PLEKHM2: variants seen among roughly 807,000 people sequenced by gnomAD.
PLEKHM2 encodes pleckstrin homology and RUN domain containing M2.
A neutral mutation model predicts 116.3 loss-of-function variants in PLEKHM2; 77 were observed. The ratio of observed to expected loss-of-function variants is 0.66; its 90% confidence interval spans 0.55 to 0.80. The LOEUF (loss-of-function observed/expected upper bound fraction) is 0.80, where lower values mean the gene tolerates loss of function less well. PLEKHM2 is among the 30% of genes least tolerant of loss of function. The probability of loss-of-function intolerance (pLI) is 0.00; values close to 1 mark genes in which losing one functional copy is unlikely to be tolerated. For missense variants in PLEKHM2, 1,183 were observed against 1,354.9 expected, an observed-to-expected ratio of 0.87 and a Z score of 1.99; for synonymous variants, 562 against 571.0, an observed-to-expected ratio of 0.98 and a Z score of 0.22.
chr1:15,692,274 C>G (rs1640903976), intron 1 of PLEKHM2, among the ~76,000 whole-genome samples: 1 of 152,082 alleles, frequency 6.6e-6, no homozygotes, highest in South Asian at 2.1e-4. Flanking sequence ...TCTCAAAATC[C>G]CTAAGGACCT....
At chr1:15,707,022 C>T (rs191977898) in intron 1 of PLEKHM2, among the ~76,000 whole-genome samples, 1 of 152,064 alleles carries the variant, frequency 6.6e-6, no homozygotes, top group African/African-American at 2.4e-5. Flanking sequence ...GACCGAGGGC[C>T]AGCATGCTTC....
intron 7 of PLEKHM2, 106 bp from the exon 8 acceptor site, chr1:15,725,211 G>A: frequency 2.6e-6 from 2 of 754,888 alleles, no homozygotes; most frequent in Non-Finnish European, 4.5e-6. Context: ...GGTTTCCCTG[G>A]GAGGAACTGG....
chr1:15,725,027 G>A (rs572886275), intron 7 of PLEKHM2, among the ~76,000 whole-genome samples: 2 of 152,320 alleles, frequency 1.3e-5, no homozygotes, highest in East Asian at 3.9e-4. Context: ...TGGAGCTTGA[G>A]CCTGGAGGCT....
Position 15,728,421 on chromosome 1 carries a change from C to T in PLEKHM2, c.1921+64C>T. 6.9e-7 allele frequency: 1 copy of T among 1,447,534 alleles called. No individual in the cohort carries two copies. The allele number at this position is 1,447,534 out of a possible 1,614,324, so 89.7% of individuals were successfully genotyped here. On this transcript the variant is annotated intron_variant, in intron 11 of 19. Transcript: ENST00000375799. This position sits in a 1 kb window ranked among gnomAD's most constrained non-coding sequence, Gnocchi z 5.9. ...AGGCTGACTCTCAGCCCCTTTTCCC[C>T]AGTCCCCTTGCCCTCTGAGTGCCTC...
chr1:15,683,596 G>A (rs1277261120), upstream of PLEKHM2, among the ~76,000 whole-genome samples: 1 of 150,370 alleles, frequency 6.7e-6, no homozygotes, highest in Non-Finnish European at 1.5e-5. Context: ...GGGGGATCCT[G>A]TGGGCTGAGG....
chr1:15,719,105 C>T lies in PLEKHM2; in HGVS notation c.465+480C>T, dbSNP rs954355713. On this transcript the variant is annotated intron_variant, in intron 5 of 19. Coordinates refer to ENST00000375799, the MANE Select transcript of PLEKHM2 (RefSeq NM_015164.4). This position sits in a 1 kb window ranked among gnomAD's most constrained non-coding sequence, Gnocchi z 4.1. Reference sequence around the variant, plus strand: ...ACATAGAGCCAAAGAGGCTCCCAGGCACCTCTTGGACTGGGCTCAAAATGG... The same window carrying T: ...ACATAGAGCCAAAGAGGCTCCCAGGTACCTCTTGGACTGGGCTCAAAATGG... Among the ~76,000 whole-genome samples, 11 of 152,142 alleles carry T rather than the reference C, an allele frequency of 7.2e-5. No homozygotes were observed. Among genetic ancestry groups the T allele is most frequent in the African/African-American group, 2.7e-4 (11 of 41,438 alleles).
chr1:15,711,216 TAAA>T (rs1368394869), intron 1 of PLEKHM2, among the ~76,000 whole-genome samples: 1 of 147,882 alleles, frequency 6.8e-6, no homozygotes, highest in Non-Finnish European at 1.5e-5. Context: ...AAAAATAAAA[TAAA>T]ATAAATAAAA....
rs1484081665 is a variant in PLEKHM2, at chr1:15,732,047, G to C, written c.2624G>C (p.Gly875Ala). The C allele has an allele frequency of 1.2e-6, 2 of 1,610,152 alleles. No individual in the cohort carries two copies. Among genetic ancestry groups the C allele is most frequent in the Non-Finnish European group, 1.7e-6 (2 of 1,178,824 alleles). ...CATCTCTGCCAGGCTGTGTCCAAAG[G>C]GGTGAGCTTCGCCTGCCCCTACCGC... is the stretch of plus-strand genomic sequence containing the variant. ...MQHLCQAVSK[G>A]VIPQGVAPSP... The change falls in exon 17 of 20, where the codon GGG becomes GCG. Residue 875 changes from glycine (G) to alanine (A), a missense_variant and splice_region_variant. By Grantham distance (60) the Gly-to-Ala change is moderately conservative. Around this residue, in one of 3 missense-constraint regions of PLEKHM2, gnomAD observed 594 missense variants for 720.1 expected, o/e 0.82. Transcript: ENST00000375799.
chr1:15,719,742 T>C lies in PLEKHM2; in HGVS notation c.474T>C (p.Pro158=). ...FIRFELDLDA[P]YLDLAPYMPD... ...CTCTACTCTCTCCTCAGGATGCCCCTTACCTAGACCTGGCCCCCTACATGC... is the reference window on the plus strand; with the variant it reads ...CTCTACTCTCTCCTCAGGATGCCCCCTACCTAGACCTGGCCCCCTACATGC... Residue 158 remains proline, a synonymous_variant, in exon 6 of 20, where the codon CCT becomes CCC. Coordinates refer to ENST00000375799, the MANE Select transcript of PLEKHM2 (RefSeq NM_015164.4). The surrounding 1 kb of genome is among the most constrained non-coding windows in gnomAD (Gnocchi z 4.1). The C allele has an allele frequency of 6.2e-7, 1 of 1,611,736 alleles. No homozygotes were observed. Among genetic ancestry groups the C allele is most frequent in the Non-Finnish European group, 8.5e-7 (1 of 1,178,690 alleles).
rs1461546822 is a variant in PLEKHM2 at position 15,729,374 on chromosome 1, CAT to C, written c.2075+185_2075+186del. On this transcript the variant is annotated intron_variant, in intron 13 of 19. Transcript: ENST00000375799. The surrounding 1 kb of genome is among the most constrained non-coding windows in gnomAD (Gnocchi z 4.7). ...GCAAGTAGACGACAATCATAGGACT[CAT>C]GTGGTCAGCCCAGGTGACCTCAGCC... Among the ~76,000 whole-genome samples the C allele has an allele frequency of 6.6e-6, 1 of 152,050 alleles. No homozygotes were observed. Among genetic ancestry groups the C allele is most frequent in the Non-Finnish European group, 1.5e-5 (1 of 68,010 alleles).
In PLEKHM2 at chr1:15,719,467, A is replaced by T. The variant is rs1223214460; in HGVS notation, c.466-267A>T. ...CTCTGTCTCAAAAAAAAAAATAAAT[A>T]AATAGAGAGAGAGAGAGATAGCGGG... On this transcript the variant is annotated intron_variant, in intron 5 of 19. Coordinates refer to ENST00000375799, the MANE Select transcript of PLEKHM2 (RefSeq NM_015164.4). The surrounding 1 kb of genome is among the most constrained non-coding windows in gnomAD (Gnocchi z 4.1). Among the ~76,000 whole-genome samples the T allele has an allele frequency of 2.0e-5, 3 of 151,346 alleles. No individual in the cohort carries two copies. Among genetic ancestry groups the T allele is most frequent in the Non-Finnish European group, 4.4e-5 (3 of 68,020 alleles).
At chr1:15,692,236 C>T (rs1174838774) in intron 1 of PLEKHM2, among the ~76,000 whole-genome samples, 1 of 152,144 alleles carries the variant, frequency 6.6e-6, no homozygotes, top group Non-Finnish European at 1.5e-5. Context: ...TGTGGCTTTA[C>T]AGAAAAACTC....
intron 1 of PLEKHM2, among the ~76,000 whole-genome samples, chr1:15,689,718 A>C (rs1237392190): frequency 6.6e-6 from 1 of 152,240 alleles, no homozygotes; most frequent in African/African-American, 2.4e-5. Context: ...TGGACTCTGC[A>C]GATCACCCTT....
chr1:15,716,400 TC>T, intron 2 of PLEKHM2, 57 bp downstream of exon 2: 1 of 1,055,560 alleles, frequency 9.5e-7, no homozygotes, highest in Non-Finnish European at 1.4e-6. Context: ...ATGAGTAGCC[TC>T]CACAGAGAAA....
At chr1:15,710,929 C>T (rs541169253) in intron 1 of PLEKHM2, among the ~76,000 whole-genome samples, 122 of 152,220 alleles carry the variant, frequency 8.0e-4, no homozygotes, top group Non-Finnish European at 1.3e-3. Flanking sequence ...AATCCCAACA[C>T]TTTGGGAGGC....
At chr1:15,692,891 C>T (rs1273146012) in intron 1 of PLEKHM2, among the ~76,000 whole-genome samples, 3 of 151,738 alleles carry the variant, frequency 2.0e-5, no homozygotes, top group Admixed American at 6.6e-5. Flanking sequence ...AGGCATGCAC[C>T]ACCATGCCCA....
intron 1 of PLEKHM2, among the ~76,000 whole-genome samples, chr1:15,690,185 A>G (rs79547393): frequency 7.0e-6 from 1 of 143,528 alleles, no homozygotes; most frequent in Non-Finnish European, 1.5e-5. Flanking sequence ...TCGTGCCTCA[A>G]CCTCCAAGTA....
In PLEKHM2 at chr1:15,729,972, C is replaced by A. The variant is rs777465599; in HGVS notation, c.2208+43C>A. On this transcript the variant is annotated intron_variant, in intron 14 of 19. Coordinates refer to ENST00000375799, the MANE Select transcript of PLEKHM2 (RefSeq NM_015164.4). This position sits in a 1 kb window ranked among gnomAD's most constrained non-coding sequence, Gnocchi z 4.7. ...AAGCTGAGTGCAGCCCCTGAGATGG[C>A]AGAGCAGCAGCCGCCTTGGCGTGAG... 16 of 1,565,674 alleles carry A rather than the reference C, an allele frequency of 1.0e-5. No homozygotes were observed. The Admixed American group carries it at 2.6e-4, about 25-fold the overall frequency.
intron 1 of PLEKHM2, among the ~76,000 whole-genome samples, chr1:15,695,763 C>G (rs1640982156): frequency 6.6e-6 from 1 of 152,054 alleles, no homozygotes; most frequent in African/African-American, 2.4e-5. Context: ...CTCAGCCTCC[C>G]AAAGTGCTGG....
Sources: allele counts gnomAD v4.1 joint callset (sites outside exome capture counted in the v4.1 genomes callset), GRCh38; gene constraint gnomAD v4.1.1; regional missense constraint gnomAD v4.1.1; non-coding constraint Gnocchi (gnomAD v3.1); transcripts MANE v1.5; gene names NCBI Gene and HGNC (gene_info 2026-07-23, HGNC 2026-07-21).